Variants in PID1 observed in about 807,000 individuals in gnomAD.
PID1 encodes phosphotyrosine interaction domain containing 1.
A neutral mutation model predicts 19.1 loss-of-function variants in PID1; 10 were observed. That is an observed-to-expected ratio of 0.52 (90% CI 0.32 to 0.89). PID1 has a LOEUF of 0.89. Ranked by LOEUF, PID1 falls within the 40% of genes least tolerant of loss-of-function variation. PID1 has a pLI of 0.03. For synonymous variants in PID1, 130 were observed against 116.0 expected (o/e 1.12, Z -0.78); for missense variants, 248 against 285.3 (o/e 0.87, Z 0.94).
At chr2:229,164,246 A>G (rs1041166750) in intron 1 of PID1, among the ~76,000 whole-genome samples, 1 of 152,050 alleles carries the variant, frequency 6.6e-6, no homozygotes, top group Non-Finnish European at 1.5e-5. Context: ...TGAATTTGCA[A>G]CCCCTGATGT....
chr2:229,036,491 C>T (rs1443495774), intron 2 of PID1, among the ~76,000 whole-genome samples: 1 of 152,146 alleles, frequency 6.6e-6, no homozygotes, highest in East Asian at 1.9e-4. Context: ...TGGCTCACGG[C>T]TGTAATCCTA....
chr2:229,082,970 T>C (rs180717983), intron 2 of PID1, among the ~76,000 whole-genome samples: 71 of 152,028 alleles, frequency 4.7e-4, no homozygotes, highest in African/African-American at 1.5e-3. Context: ...ATTAAATTGA[T>C]GCCCATAAAT....
chr2:229,146,255 C>T (rs1690127169), intron 2 of PID1, among the ~76,000 whole-genome samples: 4 of 152,088 alleles, frequency 2.6e-5, no homozygotes, highest in Admixed American at 2.0e-4. Flanking sequence ...TTTGTTCTCA[C>T]TCATAAGTGG....
At chr2:229,077,339 G>A (rs1003314848) in intron 2 of PID1, among the ~76,000 whole-genome samples, 3 of 152,124 alleles carry the variant, frequency 2.0e-5, no homozygotes, top group Non-Finnish European at 4.4e-5. Context: ...TAGGCTGCCT[G>A]TTCACTCTGA....
intron 1 of PID1, among the ~76,000 whole-genome samples, chr2:229,183,831 C>T (rs1406881414): frequency 6.6e-6 from 1 of 151,072 alleles, no homozygotes; most frequent in Non-Finnish European, 1.5e-5. Flanking sequence ...AAGCCAATTC[C>T]TTATAATAAA....
At chr2:229,190,968 A>T (rs1375810220) in intron 1 of PID1, among the ~76,000 whole-genome samples, 1 of 152,226 alleles carries the variant, frequency 6.6e-6, no homozygotes, top group Non-Finnish European at 1.5e-5. Context: ...ATAAACCATT[A>T]TAATGAAGCA....
intron 1 of PID1, among the ~76,000 whole-genome samples, chr2:229,222,298 C>T (rs1018113174): frequency 1.3e-5 from 2 of 152,102 alleles, no homozygotes; most frequent in Admixed American, 6.5e-5. Context: ...CCATAACCTC[C>T]CCATCCTGTT....
intron 2 of PID1, among the ~76,000 whole-genome samples, chr2:229,046,830 C>T (rs1160477630): frequency 6.6e-6 from 1 of 152,126 alleles, no homozygotes; most frequent in Non-Finnish European, 1.5e-5. Flanking sequence ...AAAATCCCAG[C>T]AATTTAAACT....
intron 2 of PID1, among the ~76,000 whole-genome samples, chr2:229,110,369 C>T (rs558327730): frequency 9.9e-5 from 15 of 152,092 alleles, no homozygotes; most frequent in Non-Finnish European, 2.1e-4. Flanking sequence ...GCAGTAGTTC[C>T]AAGACAAGAG....
chr2:229,058,958 G>C (rs1694157839), intron 2 of PID1, among the ~76,000 whole-genome samples: 1 of 152,158 alleles, frequency 6.6e-6, no homozygotes, highest in Non-Finnish European at 1.5e-5. Context: ...GAAATTACCT[G>C]TTAGGGGAAG....
chr2:229,217,824 G>T (rs548918161), intron 1 of PID1, among the ~76,000 whole-genome samples: 64 of 152,156 alleles, frequency 4.2e-4, no homozygotes, highest in South Asian at 8.3e-4. Flanking sequence ...TCTAAACATG[G>T]TCCTTAGTTC....
intron 2 of PID1, among the ~76,000 whole-genome samples, chr2:229,119,997 T>C (rs573104577): frequency 6.6e-6 from 1 of 152,324 alleles, no homozygotes; most frequent in African/African-American, 2.4e-5. Flanking sequence ...ATCACGTCTC[T>C]GGCTCCCAGA....
At chr2:229,188,352 G>A (rs1691179717) in intron 1 of PID1, among the ~76,000 whole-genome samples, 1 of 151,784 alleles carries the variant, frequency 6.6e-6, no homozygotes. Flanking sequence ...GGAAAAGGCA[G>A]AGAAAGAGAA....
At chr2:229,085,502 C>A (rs967852928) in intron 2 of PID1, among the ~76,000 whole-genome samples, 2 of 152,166 alleles carry the variant, frequency 1.3e-5, no homozygotes, top group African/African-American at 4.8e-5. Flanking sequence ...AGAGAGCTGG[C>A]TGGCTAATTA....
intron 2 of PID1, among the ~76,000 whole-genome samples, chr2:229,115,701 TACTG>T (rs1276073036): frequency 6.6e-6 from 1 of 152,138 alleles, no homozygotes; most frequent in Admixed American, 6.5e-5. Flanking sequence ...CAATTTACAA[TACTG>T]ACACACCAGG....
chr2:229,254,007 C>T (rs149540760), intron 1 of PID1, among the ~76,000 whole-genome samples: 240 of 152,270 alleles, frequency 1.6e-3, no homozygotes, highest in African/African-American at 5.6e-3. Context: ...AGACCTTCTT[C>T]GGAAATGGTT....
chr2:229,130,322 C>G (rs549240398), intron 2 of PID1, among the ~76,000 whole-genome samples: 1 of 152,292 alleles, frequency 6.6e-6, no homozygotes, highest in Admixed American at 6.5e-5. Flanking sequence ...CAAGTCCCAG[C>G]GCTTCTCAGA....
intron 2 of PID1, among the ~76,000 whole-genome samples, chr2:229,139,003 G>GAA (rs1376893605): frequency 1.5e-4 from 13 of 87,020 alleles, no homozygotes; most frequent in Non-Finnish European, 2.7e-4. Flanking sequence ...AAGAAAGAAA[G>GAA]AAAGAAAGAA....
intron 2 of PID1, among the ~76,000 whole-genome samples, chr2:229,064,987 A>T (rs1205549195): frequency 6.6e-6 from 1 of 152,188 alleles, no homozygotes; most frequent in Non-Finnish European, 1.5e-5. Flanking sequence ...ATGAGCCTGG[A>T]GTAGCCTTTT....
Sources: gnomAD v4.1 joint callset for allele counts (sites outside exome capture counted in the v4.1 genomes callset) on GRCh38, gnomAD v4.1.1 for gene constraint, MANE v1.5 for transcripts, NCBI Gene and HGNC (gene_info 2026-07-23, HGNC 2026-07-21) for gene names.